ADAMTS3: variants seen among roughly 807,000 people sequenced by gnomAD.
ADAMTS3 encodes the protein ADAM metallopeptidase with thrombospondin type 1 motif 3, also known as A disintegrin and metalloproteinase with thrombospondin motifs 3.
A neutral mutation model predicts 129.0 loss-of-function variants in ADAMTS3; 73 were observed. That is an observed-to-expected ratio of 0.57 (90% confidence interval 0.47 to 0.69). ADAMTS3 has a LOEUF of 0.69. Among genes scored for constraint, ADAMTS3 ranks in the 30% least tolerant of loss-of-function variants. The pLI is 0.00. For synonymous variants in ADAMTS3, 477 were observed against 510.8 expected (o/e 0.93, Z 0.89); for missense variants, 1,457 against 1,514.5 (o/e 0.96, Z 0.63).
chr4:72,343,014 G>A (rs1720179635), intron 4 of ADAMTS3, among the ~76,000 whole-genome samples: 1 of 152,190 alleles, frequency 6.6e-6, no homozygotes, highest in Non-Finnish European at 1.5e-5. Context: ...GAGAGAGAAG[G>A]GCACCCAGAT....
At chr4:72,337,110 G>A (rs1233205468) in intron 5 of ADAMTS3, among the ~76,000 whole-genome samples, 1 of 152,110 alleles carries the variant, frequency 6.6e-6, no homozygotes, top group African/African-American at 2.4e-5. Flanking sequence ...GGGAAGGGGA[G>A]GAGTGTTATT....
intron 15 of ADAMTS3, among the ~76,000 whole-genome samples, chr4:72,308,644 C>T (rs768403122): frequency 2.0e-5 from 3 of 151,852 alleles, no homozygotes; most frequent in Non-Finnish European, 4.4e-5. Context: ...GATACAAACT[C>T]AAGAAATTAT....
intron 3 of ADAMTS3, among the ~76,000 whole-genome samples, chr4:72,501,373 T>TA (rs549856125): frequency 3.9e-4 from 60 of 152,130 alleles, no homozygotes; most frequent in African/African-American, 1.4e-3. Context: ...TATATTTATT[T>TA]AAGCTATTTT....
chr4:72,308,613 T>C (rs1207898971), intron 15 of ADAMTS3, among the ~76,000 whole-genome samples: 2 of 151,994 alleles, frequency 1.3e-5, no homozygotes, highest in African/African-American at 4.8e-5. Flanking sequence ...TAAATCCTTA[T>C]TGAATAACTG....
At chr4:72,485,685 A>G (rs773760458) in intron 3 of ADAMTS3, among the ~76,000 whole-genome samples, 11 of 152,114 alleles carry the variant, frequency 7.2e-5, no homozygotes, top group Non-Finnish European at 8.8e-5. Context: ...CCATACTTAC[A>G]TTGTTCAATG....
At chr4:72,430,640 G>A (rs1021693378) in intron 3 of ADAMTS3, among the ~76,000 whole-genome samples, 1 of 151,926 alleles carries the variant, frequency 6.6e-6, no homozygotes, top group African/African-American at 2.4e-5. Flanking sequence ...GTTGTTTTAT[G>A]CTCTAAGTTT....
intron 3 of ADAMTS3, among the ~76,000 whole-genome samples, chr4:72,543,564 C>A (rs1228683293): frequency 1.3e-5 from 2 of 151,938 alleles, no homozygotes; most frequent in Non-Finnish European, 2.9e-5. Flanking sequence ...ACATATGCTT[C>A]AAAATGGATG....
chr4:72,546,326 T>G (rs1721465564), intron 3 of ADAMTS3, among the ~76,000 whole-genome samples: 1 of 152,136 alleles, frequency 6.6e-6, no homozygotes, highest in South Asian at 2.1e-4. Flanking sequence ...AACAGTGGTA[T>G]GAACTGAGGA....
chr4:72,382,694 C>A (rs1444689141), intron 4 of ADAMTS3, among the ~76,000 whole-genome samples: 1 of 152,098 alleles, frequency 6.6e-6, no homozygotes, highest in Admixed American at 6.6e-5. Context: ...GCATACTATG[C>A]AGCCATAAAA....
At chr4:72,419,894 A>C (rs1312503842) in intron 3 of ADAMTS3, among the ~76,000 whole-genome samples, 1 of 152,164 alleles carries the variant, frequency 6.6e-6, no homozygotes, top group Non-Finnish European at 1.5e-5. Flanking sequence ...AAATAAATAA[A>C]AAAGAATGTT....
At chr4:72,368,164 A>G (rs186299858) in intron 4 of ADAMTS3, among the ~76,000 whole-genome samples, 16 of 152,320 alleles carry the variant, frequency 1.1e-4, no homozygotes, top group African/African-American at 3.6e-4. Flanking sequence ...TTTTATTAAA[A>G]TAAATTTATG....
At chr4:72,407,091 T>A (rs1228454332) in intron 4 of ADAMTS3, among the ~76,000 whole-genome samples, 1 of 152,138 alleles carries the variant, frequency 6.6e-6, no homozygotes, top group East Asian at 1.9e-4. Flanking sequence ...CTTAATACCT[T>A]CTTTAAACAT....
At chr4:72,291,669 G>C (rs1718673218) in intron 19 of ADAMTS3, among the ~76,000 whole-genome samples, 1 of 151,802 alleles carries the variant, frequency 6.6e-6, no homozygotes, top group East Asian at 1.9e-4. Flanking sequence ...ATTTGGGTTG[G>C]TTCCAAGTCT....
At chr4:72,296,977 A>G (rs1347096062) in intron 18 of ADAMTS3, among the ~76,000 whole-genome samples, 1 of 152,122 alleles carries the variant, frequency 6.6e-6, no homozygotes, top group African/African-American at 2.4e-5. Flanking sequence ...GGCCTGTTTA[A>G]CTGTGTTCTA....
intron 4 of ADAMTS3, among the ~76,000 whole-genome samples, chr4:72,356,584 G>A (rs985192534): frequency 9.9e-5 from 15 of 151,540 alleles, no homozygotes; most frequent in African/African-American, 2.7e-4. Context: ...AAATATGAAC[G>A]CTGATTTATA....
Position 72,568,814 on chromosome 4 carries a change from A to AAG in ADAMTS3, c.-53_-52insCT. 1 of 1,354,102 alleles carries AAG rather than the reference A, an allele frequency of 7.4e-7. No individual in the cohort carries two copies. The highest frequency in any genetic ancestry group is 1.0e-6 in the Non-Finnish European group (1 of 980,442). The allele number at this position is 1,354,102 out of a possible 1,614,324, so 83.9% of individuals were successfully genotyped here. On this transcript the variant is annotated 5_prime_UTR_variant, in exon 1 of 22. Coordinates refer to ENST00000286657, the MANE Select transcript of ADAMTS3 (RefSeq NM_014243.3). ...CTGGGCAAAGCAAATGCCCAGAGCA[A>AAG]ACCCACCCCCCCCGCCCAAAATAAG...
At chr4:72,444,707 C>A (rs1404281823) in intron 3 of ADAMTS3, among the ~76,000 whole-genome samples, 1 of 151,632 alleles carries the variant, frequency 6.6e-6, no homozygotes, top group Admixed American at 6.6e-5. Context: ...TTTGACATTG[C>A]AAGTTATAAG....
chr4:72,549,991 A>G (rs1448977843), intron 2 of ADAMTS3, among the ~76,000 whole-genome samples: 2 of 24,284 alleles, frequency 8.2e-5, no homozygotes, highest in African/African-American at 1.2e-4. Flanking sequence ...AAGAAGAAGA[A>G]GAGGAAGAGG....
At chr4:72,400,083 G>A (rs1246185277) in intron 4 of ADAMTS3, among the ~76,000 whole-genome samples, 2 of 52,502 alleles carry the variant, frequency 3.8e-5, no homozygotes, top group African/African-American at 1.1e-4. Context: ...CACACATGGT[G>A]TGTATATACG....
Sources: gnomAD v4.1 joint callset for allele counts (sites outside exome capture counted in the v4.1 genomes callset) on GRCh38, gnomAD v4.1.1 for gene constraint, MANE v1.5 for transcripts, NCBI Gene and HGNC (gene_info 2026-07-23, HGNC 2026-07-21) for gene names.